IDH2: variants seen among roughly 807,000 people sequenced by gnomAD.
The protein encoded by IDH2 is isocitrate dehydrogenase (NADP(+)) 2, also known as isocitrate dehydrogenase [NADP], mitochondrial.
In IDH2, 18 loss-of-function variants were observed where a neutral mutation model predicts 50.5. The observed-to-expected ratio is 0.36, with a 90% CI of 0.25 to 0.53. The LOEUF (loss-of-function observed/expected upper bound fraction) is 0.53, where lower values mean the gene tolerates loss of function less well. IDH2 is among the 20% of genes least tolerant of loss of function. The pLI is 0.92. For synonymous variants in IDH2, 280 were observed against 239.8 expected (o/e 1.17, Z -1.55); for missense variants, 518 against 610.7 (o/e 0.85, Z 1.60).
Position 90,090,566 on chromosome 15 carries a change from C to G in IDH2, c.286G>C (p.Val96Leu), listed in dbSNP as rs2151551280. The part of the protein sequence containing the change: ...LPNRDQTDDQ[V>L]TIDSALATQK... The stretch of plus-strand genomic sequence containing the variant: ...GTGGCCAGTGCAGAGTCAATGGTGA[C>G]CTGGTCATCAGTCTGGTCACGGTTT... Residue 96 changes from valine to leucine, a missense_variant, in exon 3 of 11, where the codon GTC (valine) becomes CTC (leucine). By Grantham distance (32) the Val-to-Leu change is conservative. Transcript: ENST00000330062. The G allele has an allele frequency of 6.2e-7, 1 of 1,614,172 alleles. No homozygotes were observed. Among genetic ancestry groups the G allele is most frequent in the Non-Finnish European group, 8.5e-7 (1 of 1,180,026 alleles).
At chr15:90,101,011 T>G (rs1038370662) in intron 1 of IDH2, among the ~76,000 whole-genome samples, 2 of 152,108 alleles carry the variant, frequency 1.3e-5, no homozygotes, top group African/African-American at 2.4e-5. Flanking sequence ...CACCATATTT[T>G]TGCTGAAGGT....
At position 90,088,725 on chromosome 15, in the gene IDH2, C is replaced by G; in HGVS notation, c.396G>C (p.Trp132Cys). Reference protein sequence around the residue: ...RVEEFKLKKMWKSPNGTIRNI... With the variant: ...RVEEFKLKKMCKSPNGTIRNI... ...TCCGGATAGTTCCATTGGGACTTTT[C>G]CACATCTTCTTCAGCTTGAACTCTG... is the stretch of plus-strand genomic sequence containing the variant. The change falls in exon 4 of 11, where the codon TGG (tryptophan) becomes TGC (cysteine). Residue 132 changes from tryptophan to cysteine, a missense_variant. Physicochemically the swap from Trp to Cys is radical, Grantham distance 215. Coordinates refer to ENST00000330062, the MANE Select transcript of IDH2 (RefSeq NM_002168.4). 6.2e-7 allele frequency: 1 copy of G among 1,613,606 alleles called. No homozygotes were observed. The highest frequency in any genetic ancestry group is 8.5e-7 in the Non-Finnish European group (1 of 1,179,836).
chr15:90,085,936 G>C lies in IDH2; in HGVS notation c.968-549C>G, dbSNP rs1171253508. On this transcript the variant is annotated intron_variant, in intron 7 of 10. Transcript: ENST00000330062. The surrounding 1 kb of genome is among the most constrained non-coding windows in gnomAD (Gnocchi z 5.5). The stretch of plus-strand genomic sequence containing the variant: ...AGGCACCCCCATGACACCAAAATAA[G>C]GATTGAAGAAAGAAAACATGGACAA... Among the ~76,000 whole-genome samples, 1 of 152,136 alleles carries C rather than the reference G, an allele frequency of 6.6e-6. No homozygotes were observed. Among genetic ancestry groups the C allele is most frequent in the Non-Finnish European group, 1.5e-5 (1 of 68,034 alleles).
chr15:90,092,112 G>A (rs1021120298), intron 1 of IDH2, among the ~76,000 whole-genome samples: 3 of 152,114 alleles, frequency 2.0e-5, no homozygotes, highest in Admixed American at 6.5e-5. Context: ...AGGACCCCCC[G>A]ATTGTACATT....
chr15:90,095,127 CAG>C (rs1329444806), intron 1 of IDH2, among the ~76,000 whole-genome samples: 3 of 151,518 alleles, frequency 2.0e-5, no homozygotes, highest in Non-Finnish European at 2.9e-5. Flanking sequence ...TAATGAGACT[CAG>C]AGAGTGTGGT....
chr15:90,099,609 C>T (rs564321916), intron 1 of IDH2, among the ~76,000 whole-genome samples: 4 of 152,234 alleles, frequency 2.6e-5, no homozygotes, highest in South Asian at 2.1e-4. Flanking sequence ...CATGCACCAT[C>T]GTGCCTGGCT....
At chr15:90,093,373 GC>G (rs1399303103) in intron 1 of IDH2, among the ~76,000 whole-genome samples, 1 of 152,144 alleles carries the variant, frequency 6.6e-6, no homozygotes, top group African/African-American at 2.4e-5. Flanking sequence ...AATTCTATGA[GC>G]TACGCTGTGT....
At position 90,088,706 on chromosome 15, in the gene IDH2, T is replaced by G. The variant is rs2151549797; in HGVS notation, c.415A>C (p.Ile139Leu). 2 of 1,614,134 alleles carry G rather than the reference T, an allele frequency of 1.2e-6. No homozygotes were observed. Among genetic ancestry groups the G allele is most frequent in the Non-Finnish European group, 1.7e-6 (2 of 1,180,032 alleles). The change falls in exon 4 of 11, where the codon ATC (isoleucine) becomes CTC (leucine). Residue 139 changes from isoleucine (I) to leucine (L), a missense_variant. By Grantham distance (5) the Ile-to-Leu change is conservative (BLOSUM62 2). Around this residue, in one of 5 missense-constraint regions of IDH2, gnomAD observed 207 missense variants for 208.6 expected, o/e 0.99. Coordinates refer to ENST00000330062, the MANE Select transcript of IDH2 (RefSeq NM_002168.4). ...KKMWKSPNGTIRNILGGTVFR... is the reference protein window; with the variant it reads ...KKMWKSPNGTLRNILGGTVFR... ...ACAGTCCCCCCCAGGATGTTCCGGA[T>G]AGTTCCATTGGGACTTTTCCACATC...
chr15:90,090,036 G>T (rs976594309), intron 3 of IDH2, among the ~76,000 whole-genome samples: 4 of 152,144 alleles, frequency 2.6e-5, no homozygotes, highest in African/African-American at 9.7e-5. Context: ...CGCCAGAATG[G>T]ACTACTGCCC....
rs1360622365 is a variant in IDH2 at position 90,087,108 on chromosome 15, G to C, written c.967+4C>G. 3.7e-6 allele frequency: 6 copies of C among 1,614,040 alleles called. No individual in the cohort carries two copies. Among genetic ancestry groups the C allele is most frequent in the Non-Finnish European group, 4.2e-6 (5 of 1,179,956 alleles). On this transcript the variant is annotated splice_donor_region_variant and intron_variant, in intron 7 of 10. Transcript: ENST00000330062. ...CCACAGGGAGCAGCGTCCTCCCAGCGTACCCTGGGCCAGGATGTCTGACTG... is the reference window on the plus strand; with the variant it reads ...CCACAGGGAGCAGCGTCCTCCCAGCCTACCCTGGGCCAGGATGTCTGACTG...
intron 3 of IDH2, among the ~76,000 whole-genome samples, chr15:90,089,089 T>C (rs967797431): frequency 6.6e-6 from 1 of 151,830 alleles, no homozygotes; most frequent in Admixed American, 6.6e-5. Flanking sequence ...TAATTTTGTA[T>C]TTTTAGGAGA....
In IDH2 at chr15:90,086,075, C is replaced by T. The variant is rs540706607; in HGVS notation, c.968-688G>A. On this transcript the variant is annotated intron_variant, in intron 7 of 10. Coordinates refer to ENST00000330062, the MANE Select transcript of IDH2 (RefSeq NM_002168.4). ...TCCTTAGACACTTAAGGTTCATTTT[C>T]ATGCCTCTGCCTCATCTGCTATGGC... Among the ~76,000 whole-genome samples, 4 of 152,362 alleles carry T rather than the reference C, an allele frequency of 2.6e-5. No individual in the cohort carries two copies. The East Asian group carries it at 7.7e-4, about 29-fold the overall frequency.
intron 3 of IDH2, 109 bp downstream of exon 3, chr15:90,090,369 TC>T: frequency 3.3e-6 from 4 of 1,224,748 alleles, no homozygotes; most frequent in Non-Finnish European, 4.7e-6. Context: ...CCTCCCAACC[TC>T]CCAGTCCCGA....
At position 90,085,061 on chromosome 15, in the gene IDH2, A is replaced by C; in HGVS notation, c.1118T>G (p.Phe373Cys). 6.2e-7 allele frequency: 1 copy of C among 1,613,966 alleles called. No individual in the cohort carries two copies. The highest frequency in any genetic ancestry group is 8.5e-7 in the Non-Finnish European group (1 of 1,179,978). ...GTGCTCCAGGCCACGTGTCCAGGCAAAGATGCTGGCGATGGGGTTGGTGCT... is the reference window on the plus strand; with the variant it reads ...GTGCTCCAGGCCACGTGTCCAGGCACAGATGCTGGCGATGGGGTTGGTGCT... ...PTSTNPIASI[F>C]AWTRGLEHRG... Residue 373 changes from phenylalanine (F) to cysteine (C), a missense_variant, in exon 9 of 11, where the codon TTT (phenylalanine) becomes TGT (cysteine). Phe to Cys is a radical substitution (Grantham distance 205). Around this residue, in one of 5 missense-constraint regions of IDH2, gnomAD observed 135 missense variants for 167.6 expected, o/e 0.81. Coordinates refer to ENST00000330062, the MANE Select transcript of IDH2 (RefSeq NM_002168.4). This position sits in a 1 kb window ranked among gnomAD's most constrained non-coding sequence, Gnocchi z 5.5.
intron 3 of IDH2, among the ~76,000 whole-genome samples, 159 bp from the exon 4 acceptor site, chr15:90,088,906 A>AT (rs57901991): frequency 0.32 from 30,805 of 96,464 alleles, 6,597 homozygotes; most frequent in Non-Finnish European, 0.46. Context: ...GAGTCTGCCA[A>AT]TTTTTTTTTT....
chr15:90,101,906 C>A lies in IDH2; in HGVS notation c.115+370G>T, dbSNP rs538199780. 5.9e-3 allele frequency among the ~76,000 whole-genome samples: 899 copies of A among 152,004 alleles called. 5 individuals carry two copies. Among genetic ancestry groups the A allele is most frequent in the South Asian group, 9.3e-3 (45 of 4,814 alleles). ...GAGCGCGCGGGGTGCTCCAGCCCCCCACGGGTGCTCGTCTCGTTCCAGGGG... is the reference window on the plus strand; with the variant it reads ...GAGCGCGCGGGGTGCTCCAGCCCCCAACGGGTGCTCGTCTCGTTCCAGGGG... On this transcript the variant is annotated intron_variant, in intron 1 of 10. Coordinates refer to ENST00000330062, the MANE Select transcript of IDH2 (RefSeq NM_002168.4).
At chr15:90,095,568 C>T (rs372270953) in intron 1 of IDH2, among the ~76,000 whole-genome samples, 15 of 152,050 alleles carry the variant, frequency 9.9e-5, no homozygotes, top group Admixed American at 7.2e-4. Context: ...CTGGGCTCCA[C>T]GGTTGGGCTT....
Position 90,085,159 on chromosome 15 carries a change from A to T in IDH2, c.1081-61T>A. On this transcript the variant is annotated intron_variant, in intron 8 of 10. Transcript: ENST00000330062. The surrounding 1 kb of genome is among the most constrained non-coding windows in gnomAD (Gnocchi z 5.5). ...GCCAGCTAGTGAGGAGGCTGCCCAG[A>T]TACAGCTGCCCGCCCCTGGGCTGGT... 1 of 1,565,860 alleles carries T rather than the reference A, an allele frequency of 6.4e-7. No homozygotes were observed. Among genetic ancestry groups the T allele is most frequent in the Non-Finnish European group, 8.8e-7 (1 of 1,138,006 alleles).
intron 3 of IDH2, 129 bp from the exon 4 acceptor site, chr15:90,088,876 G>T: frequency 2.5e-6 from 2 of 814,698 alleles, no homozygotes; most frequent in African/African-American, 1.7e-5. Context: ...AGAGTCTAGA[G>T]TGCAAATGTG....
Sources: allele counts gnomAD v4.1 joint callset (sites outside exome capture counted in the v4.1 genomes callset), GRCh38; gene constraint gnomAD v4.1.1; regional missense constraint gnomAD v4.1.1; non-coding constraint Gnocchi (gnomAD v3.1); transcripts MANE v1.5; gene names NCBI Gene and HGNC (gene_info 2026-07-23, HGNC 2026-07-21).